BCL2: variants seen among roughly 807,000 people sequenced by gnomAD.
The protein encoded by BCL2 is BCL2 apoptosis regulator.
In BCL2, 1 loss-of-function variant was observed where a neutral mutation model predicts 14.2. The ratio of observed to expected loss-of-function variants is 0.07; its 90% confidence interval spans 0.02 to 0.33. The LOEUF is 0.33. Ranked by LOEUF, BCL2 falls within the 10% of genes least tolerant of loss-of-function variation. The pLI, the probability that BCL2 is intolerant of heterozygous loss-of-function variation, is 0.99. For synonymous variants in BCL2, 151 were observed against 137.2 expected, an observed-to-expected ratio of 1.10 and a Z score of -0.70; for missense variants, 247 against 305.9, an observed-to-expected ratio of 0.81 and a Z score of 1.44.
chr18:63,218,535 C>T (rs1199950055), intron 2 of BCL2, among the ~76,000 whole-genome samples: 2 of 148,352 alleles, frequency 1.3e-5, no homozygotes, highest in Non-Finnish European at 3.0e-5. Context: ...CTTATCTCTC[C>T]ACAACCTCCC....
At chr18:63,167,145 T>C (rs776983224) in intron 2 of BCL2, among the ~76,000 whole-genome samples, 2 of 152,212 alleles carry the variant, frequency 1.3e-5, no homozygotes, top group Non-Finnish European at 2.9e-5. Context: ...ATAATAAATA[T>C]GTCTCATTGC....
chr18:63,226,198 T>C (rs1910538909), intron 2 of BCL2, among the ~76,000 whole-genome samples: 2 of 152,182 alleles, frequency 1.3e-5, no homozygotes, highest in South Asian at 4.1e-4. Flanking sequence ...CGTCCAACTG[T>C]AGTCTTCAAC....
At chr18:63,199,150 GACAC>G (rs1388266710) in intron 2 of BCL2, among the ~76,000 whole-genome samples, 1 of 140,930 alleles carries the variant, frequency 7.1e-6, no homozygotes, top group African/African-American at 2.7e-5. Context: ...CAGAGACGCA[GACAC>G]ACACACCACA....
chr18:63,247,884 T>A (rs1911198302), intron 2 of BCL2, among the ~76,000 whole-genome samples: 1 of 152,188 alleles, frequency 6.6e-6, no homozygotes, highest in South Asian at 2.1e-4. Flanking sequence ...TGAAATATAT[T>A]TTTTTAATTA....
chr18:63,267,843 T>C (rs1160346239), intron 2 of BCL2, among the ~76,000 whole-genome samples: 9 of 152,288 alleles, frequency 5.9e-5, no homozygotes, highest in Admixed American at 5.9e-4. Flanking sequence ...CTTCCCTCTG[T>C]CTTTCTCTTC....
At chr18:63,253,928 T>G (rs574607221) in intron 2 of BCL2, among the ~76,000 whole-genome samples, 41 of 148,956 alleles carry the variant, frequency 2.8e-4, no homozygotes, top group African/African-American at 1.0e-3. Flanking sequence ...TTTTCCACCC[T>G]ACTAAGCATT....
At chr18:63,180,643 C>T (rs1915461012) in intron 2 of BCL2, among the ~76,000 whole-genome samples, 2 of 152,176 alleles carry the variant, frequency 1.3e-5, no homozygotes, top group South Asian at 2.1e-4. Flanking sequence ...AACTCTGCCT[C>T]GGAGAAGCAG....
At chr18:63,251,182 T>TG (rs1911301328) in intron 2 of BCL2, among the ~76,000 whole-genome samples, 1 of 14,920 alleles carries the variant, frequency 6.7e-5, no homozygotes, top group African/African-American at 2.8e-4. Context: ...TTGGGGCTTC[T>TG]GGGGGTGGTG....
At chr18:63,197,234 C>A (rs565046212) in intron 2 of BCL2, among the ~76,000 whole-genome samples, 1 of 152,310 alleles carries the variant, frequency 6.6e-6, no homozygotes, top group Admixed American at 6.5e-5. Context: ...GGCTAAGCGC[C>A]CCCTGCCACT....
chr18:63,235,014 G>A (rs1465194590), intron 2 of BCL2, among the ~76,000 whole-genome samples: 1 of 152,088 alleles, frequency 6.6e-6, no homozygotes, highest in African/African-American at 2.4e-5. Flanking sequence ...AGAAAAACGG[G>A]CCAAGGAAAG....
chr18:63,241,584 T>G (rs1370146534), intron 2 of BCL2, among the ~76,000 whole-genome samples: 1 of 152,238 alleles, frequency 6.6e-6, no homozygotes, highest in African/African-American at 2.4e-5. Flanking sequence ...TCCCCCATCC[T>G]GCTGTCCAGC....
chr18:63,260,805 A>T (rs1375566932), intron 2 of BCL2, among the ~76,000 whole-genome samples: 1 of 152,224 alleles, frequency 6.6e-6, no homozygotes, highest in Admixed American at 6.5e-5. Context: ...TTCAAAAAGA[A>T]GAAATAAAAT....
At position 63,123,972 on chromosome 18, in the gene BCL2, G is replaced by A. The variant is rs989773383; in HGVS notation, c.*4653C>T. ...CTCCACCAGTGTTCCCATCTTCTGT[G>A]CTCAGCTTGGTATGCAGAACAACCT... On this transcript the variant is annotated 3_prime_UTR_variant, in exon 3 of 3. Coordinates refer to ENST00000333681, the MANE Select transcript of BCL2 (RefSeq NM_000633.3). The A allele has an allele frequency of 9.0e-6, 2 of 221,522 alleles. No homozygotes were observed. Among genetic ancestry groups the A allele is most frequent in the Non-Finnish European group, 9.0e-6 (1 of 110,794 alleles). The allele number at this position is 221,522 out of a possible 1,614,324, so 13.7% of individuals were successfully genotyped here. A position where few individuals can be genotyped will look rare whatever the true frequency, so the allele number is the denominator to read the frequency against.
chr18:63,245,248 C>T (rs1401102980), intron 2 of BCL2, among the ~76,000 whole-genome samples: 1 of 152,194 alleles, frequency 6.6e-6, no homozygotes, highest in Non-Finnish European at 1.5e-5. Flanking sequence ...ACCAATTGAG[C>T]ATCAACTGAT....
chr18:63,146,594 G>GAATAAA (rs1914519905), intron 2 of BCL2, among the ~76,000 whole-genome samples: 1 of 152,214 alleles, frequency 6.6e-6, no homozygotes, highest in African/African-American at 2.4e-5. Flanking sequence ...TAAAGGAGCA[G>GAATAAA]AATAAAAACG....
At chr18:63,202,522 T>G (rs534178640) in intron 2 of BCL2, among the ~76,000 whole-genome samples, 1 of 152,270 alleles carries the variant, frequency 6.6e-6, no homozygotes, top group East Asian at 1.9e-4. Context: ...GCTCTAACAT[T>G]TTGTGACTAT....
At chr18:63,188,793 C>T (rs77028226) in intron 2 of BCL2, among the ~76,000 whole-genome samples, 2,644 of 151,928 alleles carry the variant, frequency 0.017, 84 homozygotes, top group African/African-American at 0.06. Context: ...AATATACATG[C>T]ATTTGTATAT....
At chr18:63,218,100 T>G (rs56169031) in intron 2 of BCL2, among the ~76,000 whole-genome samples, 17,479 of 152,188 alleles carry the variant, frequency 0.11, 1,655 homozygotes, top group African/African-American at 0.26. Context: ...GGTGGTGTGT[T>G]TTCTTCCGTC....
At chr18:63,176,075 C>T (rs974746809) in intron 2 of BCL2, among the ~76,000 whole-genome samples, 1 of 152,208 alleles carries the variant, frequency 6.6e-6, no homozygotes, top group South Asian at 2.1e-4. Flanking sequence ...GGTTTGGTTG[C>T]CTGCTTCCCT....
Sources: gnomAD v4.1 joint callset for allele counts (sites outside exome capture counted in the v4.1 genomes callset) on GRCh38, gnomAD v4.1.1 for gene constraint, MANE v1.5 for transcripts, NCBI Gene and HGNC (gene_info 2026-07-23, HGNC 2026-07-21) for gene names.